Variants in TSHZ3 observed in about 807,000 individuals in gnomAD.
The protein encoded by TSHZ3 is teashirt homolog 3.
In TSHZ3, 10 loss-of-function variants were observed where a neutral mutation model predicts 64.5. The ratio of observed to expected loss-of-function variants is 0.16; its 90% CI spans 0.10 to 0.26. The LOEUF (loss-of-function observed/expected upper bound fraction) is 0.26. Among genes scored for constraint, TSHZ3 ranks in the 10% least tolerant of loss-of-function variants. TSHZ3 has a pLI of 1.00. For synonymous variants in TSHZ3, 608 were observed against 593.1 expected, an observed-to-expected ratio of 1.03 and a Z score of -0.36; for missense variants, 1,242 against 1,421.7, an observed-to-expected ratio of 0.87 and a Z score of 2.03.
At chr19:31,301,178 C>T (rs575620394) in intron 1 of TSHZ3, among the ~76,000 whole-genome samples, 25 of 151,942 alleles carry the variant, frequency 1.6e-4, no homozygotes, top group Admixed American at 1.4e-3. Flanking sequence ...GAGTGGATTG[C>T]GGGGGATTTC....
chr19:31,244,235 C>T (rs1380159617), intron 1 of TSHZ3, among the ~76,000 whole-genome samples: 1 of 152,064 alleles, frequency 6.6e-6, no homozygotes, highest in Non-Finnish European at 1.5e-5. Flanking sequence ...CCCCATGCTG[C>T]TCTCTTGATA....
intron 5 of TSHZ3, among the ~76,000 whole-genome samples, chr19:31,169,466 A>G (rs1974504783): frequency 6.6e-6 from 1 of 152,218 alleles, no homozygotes; most frequent in African/African-American, 2.4e-5. Flanking sequence ...GGGGGAATGG[A>G]GAATTACTGT....
chr19:31,277,608 T>A lies in TSHZ3; in HGVS notation c.2185A>T (p.Met729Leu). ...GCGGCCTTGCCCAGGTGAATGTTCA[T>A]GACTGACTGCAGGGCGCTCAAAGGG... is the stretch of plus-strand genomic sequence containing the variant. ...VNPLSALQSV[M>L]NIHLGKAAKP... Residue 729 changes from methionine (M) to leucine (L), a missense_variant, in exon 2 of 2, where the codon ATG becomes TTG. By Grantham distance (15) the Met-to-Leu change is conservative (BLOSUM62 2). This residue lies in a region of TSHZ3 where 550 missense variants were observed against 545.1 expected (regional missense o/e 1.01). Coordinates refer to ENST00000240587, the MANE Select transcript of TSHZ3 (RefSeq NM_020856.4). This position sits in a 1 kb window ranked among gnomAD's most constrained non-coding sequence, Gnocchi z 4.5. 6.3e-7 allele frequency: 1 copy of A among 1,587,286 alleles called. No homozygotes were observed. The highest frequency in any genetic ancestry group is 8.6e-7 in the Non-Finnish European group (1 of 1,166,668).
chr19:31,224,306 A>G (rs1975430906), intron 4 of TSHZ3, among the ~76,000 whole-genome samples: 1 of 152,206 alleles, frequency 6.6e-6, no homozygotes, highest in African/African-American at 2.4e-5. Flanking sequence ...GTTATAGTCA[A>G]CCATGGTTAA....
chr19:31,305,169 C>T (rs1160094761), intron 1 of TSHZ3, among the ~76,000 whole-genome samples: 1 of 152,162 alleles, frequency 6.6e-6, no homozygotes, highest in South Asian at 2.1e-4. Context: ...CATCTCCAGC[C>T]ACCCCCTCTC....
chr19:31,192,444 G>A (rs1198020081), intron 5 of TSHZ3, among the ~76,000 whole-genome samples: 1 of 152,174 alleles, frequency 6.6e-6, no homozygotes, highest in African/African-American at 2.4e-5. Context: ...GGGAGAGTAA[G>A]TCTAATACCC....
intron 4 of TSHZ3, among the ~76,000 whole-genome samples, chr19:31,227,797 C>G: frequency 6.6e-6 from 1 of 152,178 alleles, no homozygotes; most frequent in East Asian, 1.9e-4. Flanking sequence ...CTGCTGTCCC[C>G]AAATCTATTC....
At position 31,279,824 on chromosome 19, in the gene TSHZ3, GAAA is replaced by G. The variant is rs553167929; in HGVS notation, c.41-75_41-73del. On this transcript the variant is annotated intron_variant, in intron 1 of 1. Transcript: ENST00000240587. The surrounding 1 kb of genome is among the most constrained non-coding windows in gnomAD (Gnocchi z 6.4). ...AGAGAGACAGGGAGAAGGAGAGAAA[GAAA>G]AAAAAAAGCATTAGTACTTGTTGAT... The G allele has an allele frequency of 1.1e-4, 130 of 1,234,236 alleles. No individual in the cohort carries two copies. In the African/African-American group the frequency reaches 1.6e-3, roughly 15 times the overall value. 76.5% of individuals were successfully genotyped at this position (1,234,236 alleles called of 1,614,324 possible). A position where few individuals can be genotyped will look rare whatever the true frequency, so the allele number is the denominator to read the frequency against.
intron 4 of TSHZ3, among the ~76,000 whole-genome samples, chr19:31,221,872 G>A (rs751275690): frequency 2.6e-5 from 4 of 152,018 alleles, no homozygotes; most frequent in Admixed American, 1.3e-4. Flanking sequence ...GGTTTACCTC[G>A]CCCTCTGTCT....
At chr19:31,257,410 C>T (rs572662566) in intron 1 of TSHZ3, among the ~76,000 whole-genome samples, 4 of 152,248 alleles carry the variant, frequency 2.6e-5, no homozygotes, top group East Asian at 1.9e-4. Flanking sequence ...TAGTTTATTC[C>T]GGAACATGAC....
At chr19:31,289,500 A>T (rs895150992) in intron 1 of TSHZ3, among the ~76,000 whole-genome samples, 1 of 152,206 alleles carries the variant, frequency 6.6e-6, no homozygotes, top group African/African-American at 2.4e-5. Flanking sequence ...CTGCAGCATT[A>T]GTGTTCCTGA....
At chr19:31,184,082 T>A (rs1257083932) in intron 5 of TSHZ3, among the ~76,000 whole-genome samples, 1 of 152,132 alleles carries the variant, frequency 6.6e-6, no homozygotes. Flanking sequence ...ACATTCAAAA[T>A]TAGCTCGGTA....
At chr19:31,271,226 A>G (rs1472458693), downstream of TSHZ3, among the ~76,000 whole-genome samples, 1 of 152,034 alleles carries the variant, frequency 6.6e-6, no homozygotes, top group Non-Finnish European at 1.5e-5. Flanking sequence ...AGGCCCTTGG[A>G]ACCATGAAAG....
intron 1 of TSHZ3, among the ~76,000 whole-genome samples, chr19:31,305,318 G>GAAAA (rs34646379): frequency 7.2e-6 from 1 of 139,668 alleles, no homozygotes; most frequent in African/African-American, 2.6e-5. Flanking sequence ...GTCTGGAAAG[G>GAAAA]AAAAAAAAAA....
intron 4 of TSHZ3, among the ~76,000 whole-genome samples, chr19:31,216,801 AT>A (rs887636450): frequency 6.6e-6 from 1 of 151,350 alleles, no homozygotes; most frequent in African/African-American, 2.4e-5. Flanking sequence ...CGCCTGGCCA[AT>A]TTTTTTTATT....
chr19:31,261,793 A>G (rs1975985272), intron 1 of TSHZ3, among the ~76,000 whole-genome samples: 1 of 152,070 alleles, frequency 6.6e-6, no homozygotes, highest in African/African-American at 2.4e-5. Flanking sequence ...TTGTCCTCCA[A>G]AAGTACTCTG....
chr19:31,349,077 G>C (rs2021613499), intron 1 of TSHZ3, 103 bp downstream of exon 1: 3 of 1,432,352 alleles, frequency 2.1e-6, no homozygotes, highest in Non-Finnish European at 1.9e-6. Flanking sequence ...TACTCAGTGC[G>C]GGCAGAAGAG....
chr19:31,158,326 T>C (rs188050529), intron 5 of TSHZ3, among the ~76,000 whole-genome samples: 1 of 152,346 alleles, frequency 6.6e-6, no homozygotes, highest in East Asian at 1.9e-4. Flanking sequence ...CAGGTTAAAA[T>C]GATCATGTTT....
In TSHZ3 at chr19:31,279,882, G is replaced by A; in HGVS notation, c.41-130C>T. On this transcript the variant is annotated intron_variant, in intron 1 of 1. Coordinates refer to ENST00000240587, the MANE Select transcript of TSHZ3 (RefSeq NM_020856.4). The surrounding 1 kb of genome is among the most constrained non-coding windows in gnomAD (Gnocchi z 6.4). Reference sequence around the variant, plus strand: ...CCTAGAATATGTTCTGGGCTCTCAGGAAAACACAGCAACCCAGATGGGTAC... The same window carrying A: ...CCTAGAATATGTTCTGGGCTCTCAGAAAAACACAGCAACCCAGATGGGTAC... 1 of 733,664 alleles carries A rather than the reference G, an allele frequency of 1.4e-6. No individual in the cohort carries two copies. The highest frequency in any genetic ancestry group is 1.9e-6 in the Non-Finnish European group (1 of 512,982). The allele number at this position is 733,664 out of a possible 1,614,324, so 45.4% of individuals were successfully genotyped here.
Sources: allele counts gnomAD v4.1 joint callset (sites outside exome capture counted in the v4.1 genomes callset), GRCh38; gene constraint gnomAD v4.1.1; regional missense constraint gnomAD v4.1.1; non-coding constraint Gnocchi (gnomAD v3.1); transcripts MANE v1.5; gene names NCBI Gene and HGNC (gene_info 2026-07-23, HGNC 2026-07-21).